The following COL28A1 variants were observed in gnomAD, a reference collection of about 807,000 sequenced individuals.
The protein encoded by COL28A1 is collagen type XXVIII alpha 1 chain, also known as collagen alpha-1(XXVIII) chain.
COL28A1 carries 161 observed loss-of-function variants against 150.2 expected under a neutral mutation model. That is an observed-to-expected ratio of 1.07 (90% CI 0.94 to 1.22). The LOEUF (loss-of-function observed/expected upper bound fraction) is 1.22. Among genes scored for constraint, COL28A1 ranks in the 50% most tolerant of loss-of-function variants. The pLI is 0.00. For missense variants in COL28A1, 1,617 were observed against 1,388.3 expected, an observed-to-expected ratio of 1.16 and a Z score of -2.62; for synonymous variants, 552 against 469.7, an observed-to-expected ratio of 1.18 and a Z score of -2.26.
intron 15 of COL28A1, among the ~76,000 whole-genome samples, chr7:7,458,982 C>T (rs989429152): frequency 3.9e-5 from 6 of 152,056 alleles, no homozygotes; most frequent in Non-Finnish European, 8.8e-5. Flanking sequence ...TTATCAGAGG[C>T]GTGTTTATAT....
rs1415558326 is a variant in COL28A1 at position 7,493,848 on chromosome 7, C to CG, written c.1027-3203_1027-3202insC. 7.5e-3 allele frequency among the ~76,000 whole-genome samples: 909 copies of CG among 120,794 alleles called. 12 individuals are homozygous for CG. The highest frequency in any genetic ancestry group is 0.025 in the African/African-American group (862 of 34,708). 79.2% of individuals were successfully genotyped at this position (120,794 alleles called of 152,430 possible). On this transcript the variant is annotated intron_variant, in intron 11 of 34. Transcript: ENST00000399429. ...TTAATATTCCTACCCCAGCCCTTAG[C>CG]AACACACACACACACACACAAAGAC...
intron 27 of COL28A1, among the ~76,000 whole-genome samples, chr7:7,394,423 T>G (rs1294283151): frequency 6.6e-6 from 1 of 152,228 alleles, no homozygotes; most frequent in East Asian, 1.9e-4. Context: ...TTCTATAAAT[T>G]TGATTTTATA....
At chr7:7,345,057 G>A in the COL28A1 span, among the ~76,000 whole-genome samples, 130 of 152,008 alleles carry the variant, frequency 8.6e-4, no homozygotes, top group Non-Finnish European at 1.5e-3. Flanking sequence ...GTGTGTTGGC[G>A]GGGGTGGGGG....
rs558957332 is a variant in COL28A1, at chr7:7,400,021, G to T, written c.2136+17838C>A. On this transcript the variant is annotated intron_variant, in intron 27 of 34. Transcript: ENST00000399429. ...CTCTGTATATTTTTCTGAATGAAAG[G>T]ATTCCATAAAAGGTTGTATGCTTTT... is the stretch of plus-strand genomic sequence containing the variant. 1.8e-4 allele frequency among the ~76,000 whole-genome samples: 27 copies of T among 152,314 alleles called. 1 individual carries two copies. In the South Asian group the frequency reaches 5.4e-3, roughly 30 times the overall value.
At chr7:7,438,484 T>G (rs750919341) in intron 21 of COL28A1, among the ~76,000 whole-genome samples, 11 of 152,210 alleles carry the variant, frequency 7.2e-5, no homozygotes, top group Non-Finnish European at 1.5e-4. Flanking sequence ...GAGATTCTGA[T>G]TCAATAGCTC....
At position 7,531,210 on chromosome 7, in the gene COL28A1, G is replaced by A. The variant is rs913684810; in HGVS notation, c.681+138C>T. Reference sequence around the variant, plus strand: ...GCCAAGAAAGTGGAGTGACACTTCAGAAAGATTCTTCTTTCTGTTTTCAGT... The same window carrying A: ...GCCAAGAAAGTGGAGTGACACTTCAAAAAGATTCTTCTTTCTGTTTTCAGT... On this transcript the variant is annotated intron_variant, in intron 3 of 34. Coordinates refer to ENST00000399429, the MANE Select transcript of COL28A1 (RefSeq NM_001037763.3). 11 of 482,490 alleles carry A rather than the reference G, an allele frequency of 2.3e-5. No individual in the cohort carries two copies. In the Admixed American group the frequency reaches 3.8e-4, roughly 17 times the overall value. The allele number at this position is 482,490 out of a possible 1,614,324, so 29.9% of individuals were successfully genotyped here.
At chr7:7,543,024 A>G in the COL28A1 span, among the ~76,000 whole-genome samples, 26 of 152,336 alleles carry the variant, frequency 1.7e-4, no homozygotes, top group Non-Finnish European at 3.5e-4. Flanking sequence ...TTGTACACAT[A>G]TACATACGTA....
intron 13 of COL28A1, among the ~76,000 whole-genome samples, chr7:7,485,807 A>G (rs1779595446): frequency 2.6e-5 from 4 of 152,128 alleles, no homozygotes; most frequent in African/African-American, 7.2e-5. Flanking sequence ...TGTTCCACTG[A>G]TCATATTTCT....
intron 3 of COL28A1, among the ~76,000 whole-genome samples, chr7:7,525,908 C>T (rs2115227376): frequency 6.6e-6 from 1 of 152,268 alleles, no homozygotes; most frequent in Non-Finnish European, 1.5e-5. Context: ...AAAACCCTAG[C>T]CACAGACACT....
At chr7:7,465,092 C>CTTCCTAGCTTAAATCA (rs1314299661) in intron 15 of COL28A1, among the ~76,000 whole-genome samples, 2 of 152,042 alleles carry the variant, frequency 1.3e-5, no homozygotes. Context: ...AAGATACAAC[C>CTTCCTAGCTTAAATCA]GGGGGAGGAG....
intron 11 of COL28A1, among the ~76,000 whole-genome samples, chr7:7,503,329 T>C (rs1338774341): frequency 1.3e-5 from 2 of 152,228 alleles, no homozygotes; most frequent in South Asian, 2.1e-4. Context: ...CAAAAGGTGG[T>C]ATTAGTATTA....
intron 18 of COL28A1, among the ~76,000 whole-genome samples, chr7:7,445,645 GA>G (rs971280017): frequency 9.9e-5 from 15 of 151,924 alleles, no homozygotes; most frequent in African/African-American, 3.4e-4. Context: ...AAATGTTCAG[GA>G]AAAAAATATG....
chr7:7,523,314 C>A (rs920462613), intron 4 of COL28A1, among the ~76,000 whole-genome samples: 1 of 151,900 alleles, frequency 6.6e-6, no homozygotes. Context: ...TGCACCATCA[C>A]CCCCAGCTAA....
upstream of COL28A1, among the ~76,000 whole-genome samples, chr7:7,536,080 GCCT>G (rs1782625369): frequency 2.0e-5 from 3 of 151,248 alleles, no homozygotes; most frequent in African/African-American, 7.4e-5. Flanking sequence ...TTGGTTGACA[GCCT>G]GCCTTTTTTT....
chr7:7,397,632 T>G (rs961431816), intron 27 of COL28A1, among the ~76,000 whole-genome samples: 1 of 152,236 alleles, frequency 6.6e-6, no homozygotes, highest in East Asian at 1.9e-4. Flanking sequence ...ACACTTGAAA[T>G]AGCGTATTCA....
intron 27 of COL28A1, among the ~76,000 whole-genome samples, chr7:7,387,440 T>C (rs1050823020): frequency 1.3e-5 from 2 of 152,166 alleles, no homozygotes; most frequent in African/African-American, 2.4e-5. Flanking sequence ...GATTAAATAG[T>C]ATTATATCAA....
rs775990962 is a variant in COL28A1 at position 7,360,378 on chromosome 7, T to C, written c.3205+12A>G. On this transcript the variant is annotated intron_variant, in intron 34 of 34. Coordinates refer to ENST00000399429, the MANE Select transcript of COL28A1 (RefSeq NM_001037763.3). ...AGAATCAAAATGGGACTTGGAGTTCTGGTTTACCTACCCTCTGCCCCATCC... is the reference window on the plus strand; with the variant it reads ...AGAATCAAAATGGGACTTGGAGTTCCGGTTTACCTACCCTCTGCCCCATCC... The C allele has an allele frequency of 6.5e-7, 1 of 1,535,172 alleles. No homozygotes were observed. Among genetic ancestry groups the C allele is most frequent in the Admixed American group, 2.5e-5 (1 of 40,744 alleles).
chr7:7,408,496 A>C (rs1354478629), intron 27 of COL28A1, among the ~76,000 whole-genome samples: 1 of 152,206 alleles, frequency 6.6e-6, no homozygotes, highest in Non-Finnish European at 1.5e-5. Flanking sequence ...TTTAGATTAC[A>C]TACTATGCAC....
At chr7:7,371,991 C>A (rs1486871770) in intron 32 of COL28A1, among the ~76,000 whole-genome samples, 1 of 152,016 alleles carries the variant, frequency 6.6e-6, no homozygotes, top group African/African-American at 2.4e-5. Flanking sequence ...CGCCACCATG[C>A]CCAGCTAATT....
Sources: gnomAD v4.1 joint callset for allele counts (sites outside exome capture counted in the v4.1 genomes callset) on GRCh38, gnomAD v4.1.1 for gene constraint, MANE v1.5 for transcripts, NCBI Gene and HGNC (gene_info 2026-07-23, HGNC 2026-07-21) for gene names.